ZNF480: variants seen among roughly 807,000 people sequenced by gnomAD.
ZNF480 encodes the protein zinc finger protein 480.
ZNF480 carries 15 observed loss-of-function variants against 14.4 expected under a neutral mutation model. The observed-to-expected ratio is 1.04, with a 90% CI of 0.70 to 1.60. The LOEUF (loss-of-function observed/expected upper bound fraction) is 1.60. Ranked by LOEUF, ZNF480 falls within the 40% of genes most tolerant of loss-of-function variation. ZNF480 has a pLI of 0.00. For synonymous variants in ZNF480, 218 were observed against 215.5 expected (o/e 1.01, Z -0.10); for missense variants, 593 against 629.7 (o/e 0.94, Z 0.62).
rs1984028283 is a variant in ZNF480 at position 52,325,049 on chromosome 19, A to T, written c.*2191A>T. The T allele has an allele frequency of 6.6e-6, 1 of 152,338 alleles. No individual in the cohort carries two copies. The highest frequency in any genetic ancestry group is 1.9e-4 in the East Asian group (1 of 5,190). The allele number at this position is 152,338 out of a possible 1,614,324, so 9.4% of individuals were successfully genotyped here. On this transcript the variant is annotated 3_prime_UTR_variant, in exon 5 of 5. Coordinates refer to ENST00000595962, the MANE Select transcript of ZNF480 (RefSeq NM_144684.4). The stretch of plus-strand genomic sequence containing the variant: ...AAGATCTAATCCAGAATCTATAAAG[A>T]ACTCAAACAAATCAACAATGAGAAA...
rs12976407 is a variant in ZNF480 at position 52,319,824 on chromosome 19, T to G, written c.329-1755T>G. The stretch of plus-strand genomic sequence containing the variant: ...AGCTGATACTGTGTTTTTTTTTTTT[T>G]TTTTTTTTTTTAAATTAGAGTCTTG... On this transcript the variant is annotated intron_variant, in intron 4 of 4. Transcript: ENST00000595962. Among the ~76,000 whole-genome samples the G allele has an allele frequency of 2.2e-3, 305 of 139,192 alleles. 3 individuals carry two copies. The highest frequency in any genetic ancestry group is 6.0e-3 in the Admixed American group (82 of 13,676). 91.3% of individuals were successfully genotyped at this position (139,192 alleles called of 152,430 possible). A position where few individuals can be genotyped will look rare whatever the true frequency, so the allele number is the denominator to read the frequency against.
At chr19:52,316,084 T>A in intron 4 of ZNF480, 122 bp downstream of exon 4, 8 of 933,954 alleles carry the variant, frequency 8.6e-6, no homozygotes, top group African/African-American at 1.6e-5. Context: ...TGAGATGGAG[T>A]TTCACTGTCA....
At position 52,321,543 on chromosome 19, in the gene ZNF480, T is replaced by C. The variant is rs774180261; in HGVS notation, c.329-36T>C. The C allele has an allele frequency of 5.9e-6, 9 of 1,515,734 alleles. No individual in the cohort carries two copies. In the South Asian group the frequency reaches 1.2e-4, roughly 20 times the overall value. 93.9% of individuals were successfully genotyped at this position (1,515,734 alleles called of 1,614,324 possible). A position where few individuals can be genotyped will look rare whatever the true frequency, so the allele number is the denominator to read the frequency against. The stretch of plus-strand genomic sequence containing the variant: ...TCAGACTCTAAACATGCCAGAATTA[T>C]GGGGTCTGAATTTTACTTTTTTCTT... On this transcript the variant is annotated intron_variant, in intron 4 of 4. Coordinates refer to ENST00000595962, the MANE Select transcript of ZNF480 (RefSeq NM_144684.4).
chr19:52,309,540 T>G (rs1348454793), intron 2 of ZNF480, among the ~76,000 whole-genome samples: 1 of 152,240 alleles, frequency 6.6e-6, no homozygotes, highest in Non-Finnish European at 1.5e-5. Flanking sequence ...AGACAGAAAC[T>G]TGTCCCTTAG....
chr19:52,317,747 A>G (rs750751975), intron 4 of ZNF480, among the ~76,000 whole-genome samples: 1 of 152,164 alleles, frequency 6.6e-6, no homozygotes, highest in Non-Finnish European at 1.5e-5. Flanking sequence ...TCTTTGAGAA[A>G]ATGTCATACT....
At chr19:52,307,671 AGCAT>A (rs577270912) in intron 2 of ZNF480, 84,510 of 151,874 alleles carry the variant, frequency 0.56, 24,070 homozygotes, top group Non-Finnish European at 0.62. Context: ...GCCAGTGATA[AGCAT>A]TGTTTCTATA....
Position 52,321,792 on chromosome 19 carries a change from G to A in ZNF480, c.542G>A (p.Arg181Lys). Residue 181 changes from arginine to lysine, a missense_variant, in exon 5 of 5, where the codon AGG becomes AAG. By Grantham distance (26) the Arg-to-Lys change is conservative. Transcript: ENST00000595962. Reference sequence around the variant, plus strand: ...AGTGTCAAAACCCCCATTTTTAATAGGAATGATTTTGATGATTCTTCATTT... The same window carrying A: ...AGTGTCAAAACCCCCATTTTTAATAAGAATGATTTTGATGATTCTTCATTT... ...SSSVKTPIFN[R>K]NDFDDSSFLP... 1 of 1,613,516 alleles carries A rather than the reference G, an allele frequency of 6.2e-7. No homozygotes were observed. The highest frequency in any genetic ancestry group is 8.5e-7 in the Non-Finnish European group (1 of 1,179,720).
At position 52,300,405 on chromosome 19, in the gene ZNF480, A is replaced by G. The variant is rs1982628157; in HGVS notation, c.-8A>G. On this transcript the variant is annotated 5_prime_UTR_variant, in exon 2 of 5. Coordinates refer to ENST00000595962, the MANE Select transcript of ZNF480 (RefSeq NM_144684.4). ...TTTTTGACATTTAGGATTGACTTCT[A>G]AAGAGTCATGCTGTGTGATGAAAAA... 1 of 1,557,020 alleles carries G rather than the reference A, an allele frequency of 6.4e-7. No individual in the cohort carries two copies. The highest frequency in any genetic ancestry group is 8.7e-7 in the Non-Finnish European group (1 of 1,147,956).
In ZNF480 at chr19:52,298,363, TG is replaced by T. The variant is rs550779279; in HGVS notation, c.-20+1142del. ...GGGGAAGAGGCAAGACCGGGCACAGTGGCTCACGCCTGTAATCCCAGCACTT... is the reference window on the plus strand; with the variant it reads ...GGGGAAGAGGCAAGACCGGGCACAGTGCTCACGCCTGTAATCCCAGCACTT... On this transcript the variant is annotated intron_variant, in intron 1 of 4. Transcript: ENST00000595962. Among the ~76,000 whole-genome samples, 36 of 152,266 alleles carry T rather than the reference TG, an allele frequency of 2.4e-4. 1 individual carries two copies. Among genetic ancestry groups the T allele is most frequent in the African/African-American group, 8.7e-4 (36 of 41,558 alleles).
chr19:52,318,629 G>A (rs1353745599), intron 4 of ZNF480, among the ~76,000 whole-genome samples: 1 of 151,954 alleles, frequency 6.6e-6, no homozygotes, highest in Admixed American at 6.6e-5. Flanking sequence ...TTTTACCTAT[G>A]GTTTTTTCTA....
At position 52,322,939 on chromosome 19, in the gene ZNF480, A is replaced by G; in HGVS notation, c.*81A>G. On this transcript the variant is annotated 3_prime_UTR_variant, in exon 5 of 5. Coordinates refer to ENST00000595962, the MANE Select transcript of ZNF480 (RefSeq NM_144684.4). Reference sequence around the variant, plus strand: ...ACCCATCTTTTATTCCATACTGCAAAGAAATTTTGCAAATGTAAAGAATAT... The same window carrying G: ...ACCCATCTTTTATTCCATACTGCAAGGAAATTTTGCAAATGTAAAGAATAT... 1.5e-6 allele frequency: 2 copies of G among 1,358,440 alleles called. No homozygotes were observed. The highest frequency in any genetic ancestry group is 3.5e-5 in the South Asian group (2 of 56,778). 84.1% of individuals were successfully genotyped at this position (1,358,440 alleles called of 1,614,324 possible). A position where few individuals can be genotyped will look rare whatever the true frequency, so the allele number is the denominator to read the frequency against.
At chr19:52,320,831 G>C (rs1299725421) in intron 4 of ZNF480, among the ~76,000 whole-genome samples, 1 of 151,986 alleles carries the variant, frequency 6.6e-6, no homozygotes, top group Non-Finnish European at 1.5e-5. Flanking sequence ...CCCAAAACTT[G>C]CTGAATGTGG....
At chr19:52,313,326 C>T (rs978741695) in intron 2 of ZNF480, among the ~76,000 whole-genome samples, 16 of 144,380 alleles carry the variant, frequency 1.1e-4, no homozygotes, top group East Asian at 4.3e-4. Flanking sequence ...TAATTAGAGA[C>T]GGGGTTTCAC....
chr19:52,322,236 C>G lies in ZNF480; in HGVS notation c.986C>G (p.Ser329Cys), dbSNP rs1203572746. Residue 329 changes from serine to cysteine, a missense_variant, in exon 5 of 5, where the codon TCT (serine) becomes TGT (cysteine). Ser to Cys is a moderately radical substitution (Grantham distance 112, BLOSUM62 -1). Transcript: ENST00000595962. ...GGTAAAGGCTTCAGTCATAAGTCAT[C>G]TCTAGCAAATCATTGGAGAATTTAT... Reference protein sequence around the residue: ...ECGKGFSHKSSLANHWRIYTG... With the variant: ...ECGKGFSHKSCLANHWRIYTG... 1.2e-6 allele frequency: 2 copies of G among 1,613,586 alleles called. No homozygotes were observed. The highest frequency in any genetic ancestry group is 1.7e-6 in the Non-Finnish European group (2 of 1,179,950).
At position 52,323,370 on chromosome 19, in the gene ZNF480, G is replaced by A. The variant is rs1049611025; in HGVS notation, c.*512G>A. 4.0e-5 allele frequency: 6 copies of A among 151,786 alleles called. No homozygotes were observed. The highest frequency in any genetic ancestry group is 8.8e-5 in the Non-Finnish European group (6 of 68,026). 9.4% of individuals were successfully genotyped at this position (151,786 alleles called of 1,614,324 possible). ...GATTTATAGTTGAAGCCTACGAGAT[G>A]TATAAAGAAAAGCTGTTACCAATCT... is the stretch of plus-strand genomic sequence containing the variant. On this transcript the variant is annotated 3_prime_UTR_variant, in exon 5 of 5. Transcript: ENST00000595962.
At chr19:52,306,842 C>T (rs1004603752) in intron 2 of ZNF480, among the ~76,000 whole-genome samples, 13 of 152,058 alleles carry the variant, frequency 8.5e-5, no homozygotes, top group African/African-American at 2.4e-4. Flanking sequence ...TTGCTTGAGG[C>T]GCTGCTCGAA....
intron 2 of ZNF480, among the ~76,000 whole-genome samples, chr19:52,307,014 ACTT>A (rs1181707694): frequency 1.3e-5 from 2 of 151,962 alleles, no homozygotes; most frequent in African/African-American, 2.4e-5. Flanking sequence ...CTTCTCTGTC[ACTT>A]CTTCTGTACT....
chr19:52,300,386 A>T lies in ZNF480; in HGVS notation c.-19-8A>T. The T allele has an allele frequency of 1.2e-6, 2 of 1,609,166 alleles. No homozygotes were observed. The highest frequency in any genetic ancestry group is 1.1e-5 in the South Asian group (1 of 90,740). On this transcript the variant is annotated splice_polypyrimidine_tract_variant and splice_region_variant and intron_variant, in intron 1 of 4. Coordinates refer to ENST00000595962, the MANE Select transcript of ZNF480 (RefSeq NM_144684.4). ...CTAAGCCCTAAACAGCATATTTTTG[A>T]CATTTAGGATTGACTTCTAAAGAGT...
intron 2 of ZNF480, among the ~76,000 whole-genome samples, chr19:52,303,590 G>A (rs1982793011): frequency 6.6e-6 from 1 of 152,186 alleles, no homozygotes; most frequent in Non-Finnish European, 1.5e-5. Context: ...ACACCAGTAG[G>A]TGAATGCTAA....
Sources: gnomAD v4.1 joint callset for allele counts (sites outside exome capture counted in the v4.1 genomes callset) on GRCh38, gnomAD v4.1.1 for gene constraint, MANE v1.5 for transcripts, NCBI Gene and HGNC (gene_info 2026-07-23, HGNC 2026-07-21) for gene names.